Variants in HOXB6 observed in about 807,000 individuals in gnomAD.
HOXB6 encodes homeobox protein Hox-B6.
A neutral mutation model predicts 24.2 loss-of-function variants in HOXB6; 18 were observed. The observed-to-expected ratio is 0.74, with a 90% CI of 0.51 to 1.10. The LOEUF is 1.10. Among genes scored for constraint, HOXB6 ranks in the 50% least tolerant of loss-of-function variants. The pLI is 0.00. For synonymous variants in HOXB6, 159 were observed against 139.1 expected, an observed-to-expected ratio of 1.14 and a Z score of -1.01; for missense variants, 332 against 308.3, an observed-to-expected ratio of 1.08 and a Z score of -0.58.
chr17:48,602,354 G>A, intron 2 of HOXB6: 8 of 387,954 alleles, frequency 2.1e-5, no homozygotes, highest in South Asian at 1.5e-4. Flanking sequence ...TGTCTCAAGC[G>A]GCCTCATCCT....
chr17:48,600,991 C>CGTGTGTGT (rs58180060), intron 2 of HOXB6, among the ~76,000 whole-genome samples: 2,649 of 145,712 alleles, frequency 0.018, 33 homozygotes, highest in South Asian at 0.061. Flanking sequence ...GGGATATTTG[C>CGTGTGTGT]GTGTGTGTGT....
rs367729544 is a variant in HOXB6 at position 48,596,554 on chromosome 17, C to A, written c.534G>T (p.Glu178Asp). ...NRYLTRRRRI[E>D]IAHALCLTER... ...CCGTCAGGCACAGGGCGTGCGCGAT[C>A]TCGATGCGCCGCCGCCGCGTCAGGT... is the stretch of plus-strand genomic sequence containing the variant. Residue 178 changes from glutamate to aspartate, a missense_variant, in exon 4 of 4, where the codon GAG (glutamate) becomes GAT (aspartate). Glu to Asp is a conservative substitution (Grantham distance 45). Coordinates refer to ENST00000225648, the MANE Select transcript of HOXB6 (RefSeq NM_018952.5). The surrounding 1 kb of genome is among the most constrained non-coding windows in gnomAD (Gnocchi z 4.8). 1.2e-6 allele frequency: 2 copies of A among 1,614,160 alleles called. No individual in the cohort carries two copies. The highest frequency in any genetic ancestry group is 8.5e-7 in the Non-Finnish European group (1 of 1,180,062).
At chr17:48,600,698 T>C (rs533928967) in intron 2 of HOXB6, among the ~76,000 whole-genome samples, 11 of 152,262 alleles carry the variant, frequency 7.2e-5, no homozygotes, top group Admixed American at 2.0e-4. Context: ...CTTGGGGGAA[T>C]ATGTAAATAC....
chr17:48,601,395 G>A (rs1462152733), intron 2 of HOXB6: 1 of 152,242 alleles, frequency 6.6e-6, no homozygotes, highest in African/African-American at 2.4e-5. Flanking sequence ...GAGCAGTAGT[G>A]CTGAACCCAC....
At position 48,595,965 on chromosome 17, in the gene HOXB6, G is replaced by GGGA. The variant is rs1301973132; in HGVS notation, c.*445_*447dup. The GGGA allele has an allele frequency of 4.6e-6, 2 of 435,736 alleles. No homozygotes were observed. Among genetic ancestry groups the GGGA allele is most frequent in the Non-Finnish European group, 9.3e-6 (2 of 214,896 alleles). 27.0% of individuals were successfully genotyped at this position (435,736 alleles called of 1,614,324 possible). ...GTATGTGCTCCTTCCAGTGGCTTTG[G>GGGA]GGAGGGGGTGGGAGAGACGACAGGT... On this transcript the variant is annotated 3_prime_UTR_variant, in exon 4 of 4. Coordinates refer to ENST00000225648, the MANE Select transcript of HOXB6 (RefSeq NM_018952.5).
intron 2 of HOXB6, chr17:48,603,763 G>C (rs1439835636): frequency 6.6e-6 from 1 of 152,262 alleles, no homozygotes; most frequent in Admixed American, 6.5e-5. Context: ...GCTCCCTCCT[G>C]CGGGAGTGGC....
intron 2 of HOXB6, among the ~76,000 whole-genome samples, chr17:48,601,159 G>T (rs1567975641): frequency 6.7e-6 from 1 of 148,230 alleles, no homozygotes; most frequent in African/African-American, 2.7e-5. Context: ...CTGGGGTGGG[G>T]TGGGATGAAA....
rs2070547255 is a variant in HOXB6 at position 48,604,902 on chromosome 17, G to A, written c.-255C>T. ...TCTCTCTCTTTTGCTCTATCGAGCT[G>A]ATACTGAAGTACAAAAATATCAAGA... On this transcript the variant is annotated 5_prime_UTR_variant, in exon 1 of 4. Coordinates refer to ENST00000225648, the MANE Select transcript of HOXB6 (RefSeq NM_018952.5). 6.6e-6 allele frequency: 1 copy of A among 150,734 alleles called. No homozygotes were observed. Among genetic ancestry groups the A allele is most frequent in the South Asian group, 2.1e-4 (1 of 4,788 alleles). 9.3% of individuals were successfully genotyped at this position (150,734 alleles called of 1,614,324 possible).
intron 3 of HOXB6, among the ~76,000 whole-genome samples, chr17:48,597,508 C>T (rs2070334259): frequency 6.6e-6 from 1 of 152,182 alleles, no homozygotes; most frequent in African/African-American, 2.4e-5. Context: ...AGCACACTTG[C>T]TCCCCATGGC....
rs1435302825 is a variant in HOXB6, at chr17:48,596,779, A to C, written c.416-107T>G. 3.9e-6 allele frequency: 6 copies of C among 1,521,180 alleles called. No individual in the cohort carries two copies. In the South Asian group the frequency reaches 5.8e-5, roughly 15 times the overall value. 94.2% of individuals were successfully genotyped at this position (1,521,180 alleles called of 1,614,324 possible). On this transcript the variant is annotated intron_variant, in intron 3 of 3. Transcript: ENST00000225648. The surrounding 1 kb of genome is among the most constrained non-coding windows in gnomAD (Gnocchi z 4.8). ...TCCAGCCAGTACCGGGATGCCCTCT[A>C]TTCTGCCGGCTCCCTTCCCCCGTTT...
chr17:48,603,144 A>C (rs1449839893), intron 2 of HOXB6, among the ~76,000 whole-genome samples: 1 of 152,262 alleles, frequency 6.6e-6, no homozygotes, highest in Non-Finnish European at 1.5e-5. Context: ...ATCTGGTCTT[A>C]AGAAAGAGAA....
intron 2 of HOXB6, among the ~76,000 whole-genome samples, chr17:48,603,019 G>A (rs1400443797): frequency 6.6e-6 from 1 of 152,198 alleles, no homozygotes; most frequent in Non-Finnish European, 1.5e-5. Flanking sequence ...GCCACAAGTG[G>A]CAGCGTCGTC....
intron 2 of HOXB6, 70 bp downstream of exon 2, chr17:48,604,410 C>T (rs561159470): frequency 6.6e-6 from 1 of 152,560 alleles, no homozygotes; most frequent in Admixed American, 6.5e-5. Context: ...GGGAGAAAAA[C>T]CCAAGCCCCA....
At chr17:48,598,888 G>A (rs1432469248) in intron 2 of HOXB6, among the ~76,000 whole-genome samples, 2 of 152,166 alleles carry the variant, frequency 1.3e-5, no homozygotes, top group Non-Finnish European at 2.9e-5. Flanking sequence ...AACCCTTCTG[G>A]TCTGAGGGGG....
In HOXB6 at chr17:48,596,140, G is replaced by C. The variant is rs534019971; in HGVS notation, c.*273C>G. 1.9e-4 allele frequency: 126 copies of C among 659,228 alleles called. No individual in the cohort carries two copies. The highest frequency in any genetic ancestry group is 1.4e-5 in the Non-Finnish European group (5 of 357,330). 40.8% of individuals were successfully genotyped at this position (659,228 alleles called of 1,614,324 possible). A position where few individuals can be genotyped will look rare whatever the true frequency, so the allele number is the denominator to read the frequency against. On this transcript the variant is annotated 3_prime_UTR_variant, in exon 4 of 4. Transcript: ENST00000225648. The surrounding 1 kb of genome is among the most constrained non-coding windows in gnomAD (Gnocchi z 4.8). ...AAACATCAAGTGAGTCCGCTCCTCAGTTCTCACCAGGAAGCCTGATCAGGC... is the reference window on the plus strand; with the variant it reads ...AAACATCAAGTGAGTCCGCTCCTCACTTCTCACCAGGAAGCCTGATCAGGC...
chr17:48,596,738 A>G lies in HOXB6; in HGVS notation c.416-66T>C. The G allele has an allele frequency of 6.3e-7, 1 of 1,594,174 alleles. No homozygotes were observed. The highest frequency in any genetic ancestry group is 1.7e-5 in the Admixed American group (1 of 59,220). On this transcript the variant is annotated intron_variant, in intron 3 of 3. Coordinates refer to ENST00000225648, the MANE Select transcript of HOXB6 (RefSeq NM_018952.5). This position sits in a 1 kb window ranked among gnomAD's most constrained non-coding sequence, Gnocchi z 4.8. Reference sequence around the variant, plus strand: ...GGCCCAGGACCCCCTCCCCTAGTCGACCCTCGAACACAGACTCCAGCCAGT... The same window carrying G: ...GGCCCAGGACCCCCTCCCCTAGTCGGCCCTCGAACACAGACTCCAGCCAGT...
At chr17:48,600,321 T>G in intron 2 of HOXB6, 1 of 385,420 alleles carries the variant, frequency 2.6e-6, no homozygotes, top group Non-Finnish European at 5.1e-6. Flanking sequence ...AATAGTGTGG[T>G]TTTCTCAGTG....
intron 2 of HOXB6, chr17:48,603,623 A>T (rs1206575655): frequency 8.4e-6 from 1 of 119,492 alleles, no homozygotes; most frequent in East Asian, 2.5e-4. Flanking sequence ...ACACATGGCA[A>T]TTTTTTCCTC....
At chr17:48,599,359 G>C (rs1421540878) in intron 2 of HOXB6, among the ~76,000 whole-genome samples, 5 of 152,212 alleles carry the variant, frequency 3.3e-5, no homozygotes, top group African/African-American at 1.2e-4. Context: ...GGCAGTCAGA[G>C]ACCACTGGGA....
Sources: gnomAD v4.1 joint callset for allele counts (sites outside exome capture counted in the v4.1 genomes callset) on GRCh38, gnomAD v4.1.1 for gene constraint, Gnocchi (gnomAD v3.1) non-coding constraint, MANE v1.5 for transcripts, NCBI Gene and HGNC (gene_info 2026-07-23, HGNC 2026-07-21) for gene names.